TSNARE1: variants seen among roughly 807,000 people sequenced by gnomAD.
TSNARE1 encodes t-SNARE domain-containing protein 1.
TSNARE1 carries 49 observed loss-of-function variants against 62.0 expected under a neutral mutation model. The observed-to-expected ratio is 0.79, with a 90% CI of 0.63 to 1.00. The LOEUF (loss-of-function observed/expected upper bound fraction) is 1.00, where lower values mean the gene tolerates loss of function less well. TSNARE1 is among the 50% of genes least tolerant of loss of function. TSNARE1 has a pLI of 0.00. For missense variants in TSNARE1, 755 were observed against 700.1 expected (o/e 1.08, Z -0.88); for synonymous variants, 328 against 294.4 (o/e 1.11, Z -1.17).
At chr8:142,269,774 G>A (rs978331286) in intron 12 of TSNARE1, 2 of 985,318 alleles carry the variant, frequency 2.0e-6, no homozygotes, top group African/African-American at 3.5e-5. Context: ...GCCCCGCCCA[G>A]AACCAACAGC....
chr8:142,350,627 T>C (rs1233311361), intron 2 of TSNARE1, among the ~76,000 whole-genome samples: 1 of 76,992 alleles, frequency 1.3e-5, no homozygotes, highest in Non-Finnish European at 2.3e-5. Flanking sequence ...AAGAAACACA[T>C]AATAGGTGAA....
chr8:142,230,143 A>C lies in TSNARE1; in HGVS notation c.1447-564T>G, dbSNP rs1202036326. ...AAGAGAAAGACATTGATCTGTGCTA[A>C]GGGACTGATTAGATAGGGATTTGAA... On this transcript the variant is annotated intron_variant, in intron 12 of 13. Coordinates refer to ENST00000524325, the MANE Select transcript of TSNARE1 (RefSeq NM_145003.5). 2.6e-5 allele frequency among the ~76,000 whole-genome samples: 4 copies of C among 152,224 alleles called. No homozygotes were observed. In the South Asian group the frequency reaches 8.3e-4, roughly 31 times the overall value.
chr8:142,372,203 C>T (rs1184813907), intron 1 of TSNARE1, among the ~76,000 whole-genome samples: 2 of 152,186 alleles, frequency 1.3e-5, no homozygotes, highest in East Asian at 1.9e-4. Context: ...AGACCCACCA[C>T]GGGAGCCTGA....
intron 13 of TSNARE1, among the ~76,000 whole-genome samples, chr8:142,215,488 G>T (rs1815789274): frequency 6.6e-6 from 1 of 152,086 alleles, no homozygotes; most frequent in Non-Finnish European, 1.5e-5. Flanking sequence ...TTGGGAACTG[G>T]GTCTCATCCA....
At chr8:142,371,434 G>C (rs933486050) in intron 1 of TSNARE1, among the ~76,000 whole-genome samples, 1 of 152,190 alleles carries the variant, frequency 6.6e-6, no homozygotes, top group East Asian at 1.9e-4. Flanking sequence ...GTGTCTTGAC[G>C]ACAGTGGTGA....
intron 13 of TSNARE1, among the ~76,000 whole-genome samples, chr8:142,223,093 T>C (rs1276556925): frequency 1.5e-5 from 2 of 135,748 alleles, no homozygotes; most frequent in Non-Finnish European, 3.1e-5. Context: ...CACTCATTCA[T>C]CCACTCATTC....
At chr8:142,390,975 T>A (rs1243827394) in intron 1 of TSNARE1, among the ~76,000 whole-genome samples, 32 of 112,678 alleles carry the variant, frequency 2.8e-4, no homozygotes, top group African/African-American at 5.8e-4. Context: ...TGTACACTGC[T>A]GGGGACTCTA....
chr8:142,222,700 CCACTCACTCACTCATCCACT>C (rs1563755838), intron 13 of TSNARE1, among the ~76,000 whole-genome samples: 1 of 69,358 alleles, frequency 1.4e-5, no homozygotes, highest in Non-Finnish European at 2.7e-5. Flanking sequence ...ACTCACTCAT[CCACTCACTCACTCATCCACT>C]CACTCACTCA....
intron 9 of TSNARE1, among the ~76,000 whole-genome samples, chr8:142,311,449 C>T (rs1009855687): frequency 6.6e-6 from 1 of 151,754 alleles, no homozygotes; most frequent in Non-Finnish European, 1.5e-5. Context: ...AGGCATGTGC[C>T]ACCACACCCG....
At chr8:142,247,153 G>T (rs569129261) in intron 12 of TSNARE1, among the ~76,000 whole-genome samples, 2 of 152,300 alleles carry the variant, frequency 1.3e-5, no homozygotes, top group East Asian at 3.9e-4. Context: ...CAGCAGATGG[G>T]TGCCCACCGC....
rs189791800 is a variant in TSNARE1, at chr8:142,381,502, G to T, written c.-40+21602C>A. Reference sequence around the variant, plus strand: ...CACCCCACCAAGCACAAGGGTGGAGGTCAGGGTGGGCTCAGGGACGGTGGC... The same window carrying T: ...CACCCCACCAAGCACAAGGGTGGAGTTCAGGGTGGGCTCAGGGACGGTGGC... On this transcript the variant is annotated intron_variant, in intron 1 of 13. Coordinates refer to ENST00000524325, the MANE Select transcript of TSNARE1 (RefSeq NM_145003.5). 2.6e-5 allele frequency among the ~76,000 whole-genome samples: 4 copies of T among 152,264 alleles called. No individual in the cohort carries two copies. The East Asian group carries it at 7.8e-4, about 30-fold the overall frequency.
chr8:142,381,307 C>G (rs1268692677), intron 1 of TSNARE1, among the ~76,000 whole-genome samples: 8 of 152,218 alleles, frequency 5.3e-5, no homozygotes, highest in Admixed American at 5.2e-4. Context: ...CAGCACCTGC[C>G]CACTCTGTGA....
rs1291951073 is a variant in TSNARE1 at position 142,343,786 on chromosome 8, G to GGAGGGGGAGGAA, written c.745+179_745+180insTTCCTCCCCCTC. Among the ~76,000 whole-genome samples, 5 of 100,090 alleles carry GGAGGGGGAGGAA rather than the reference G, an allele frequency of 5.0e-5. No individual in the cohort carries two copies. The East Asian group carries it at 1.9e-3, about 37-fold the overall frequency. The allele number at this position is 100,090 out of a possible 152,430, so 65.7% of individuals were successfully genotyped here. ...GGAGGGGAGAAGAGGAGGAGGAGGAGGAGGAGGAGGGGGAGGAGGAGGAGG... is the reference window on the plus strand; with the variant it reads ...GGAGGGGAGAAGAGGAGGAGGAGGAGGAGGGGGAGGAAGAGGAGGAGGGGGAGGAGGAGGAGG... On this transcript the variant is annotated intron_variant, in intron 4 of 13. Coordinates refer to ENST00000524325, the MANE Select transcript of TSNARE1 (RefSeq NM_145003.5).
intron 12 of TSNARE1, among the ~76,000 whole-genome samples, chr8:142,250,412 C>T (rs1219481595): frequency 6.6e-6 from 1 of 152,070 alleles, no homozygotes; most frequent in Non-Finnish European, 1.5e-5. Context: ...TCTGCATAAT[C>T]CCGGATCCCT....
chr8:142,276,605 C>G lies in TSNARE1; in HGVS notation c.1364-1742G>C. The G allele has an allele frequency of 4.1e-6, 4 of 985,426 alleles. No individual in the cohort carries two copies. In the South Asian group the frequency reaches 1.9e-4, roughly 46 times the overall value. 61.0% of individuals were successfully genotyped at this position (985,426 alleles called of 1,614,324 possible). On this transcript the variant is annotated intron_variant, in intron 11 of 13. Coordinates refer to ENST00000524325, the MANE Select transcript of TSNARE1 (RefSeq NM_145003.5). ...GGTGGTGCTGGACAGGCCATGTGCC[C>G]TGGCTGGACACTTTCTCTGCCCCGT...
chr8:142,397,784 G>A (rs1190512402), intron 1 of TSNARE1, among the ~76,000 whole-genome samples: 1 of 152,086 alleles, frequency 6.6e-6, no homozygotes, highest in Non-Finnish European at 1.5e-5. Context: ...ACTCAGCTGC[G>A]TGGCTAGCCC....
At chr8:142,306,990 C>G (rs1260381788) in intron 9 of TSNARE1, among the ~76,000 whole-genome samples, 2 of 152,226 alleles carry the variant, frequency 1.3e-5, no homozygotes, top group Non-Finnish European at 2.9e-5. Flanking sequence ...GAGGAGAACC[C>G]AGTTCCAACT....
At chr8:142,225,150 C>T (rs1722280453) in intron 13 of TSNARE1, among the ~76,000 whole-genome samples, 1 of 150,790 alleles carries the variant, frequency 6.6e-6, no homozygotes, top group African/African-American at 2.4e-5. Context: ...TGCCCTGCCT[C>T]CCCCCTCCCC....
At chr8:142,325,965 AGGGGAG>A (rs1830163611) in intron 6 of TSNARE1, 2 of 159,534 alleles carry the variant, frequency 1.3e-5, no homozygotes, top group Non-Finnish European at 2.7e-5. Flanking sequence ...GCACCAGCGA[AGGGGAG>A]GGCCCCGGAG....
Sources: allele counts gnomAD v4.1 joint callset (sites outside exome capture counted in the v4.1 genomes callset), GRCh38; gene constraint gnomAD v4.1.1; transcripts MANE v1.5; gene names NCBI Gene and HGNC (gene_info 2026-07-23, HGNC 2026-07-21).